The following HROB variants were observed in gnomAD, a reference collection of about 807,000 sequenced individuals.
HROB encodes the protein homologous recombination OB-fold protein.
In HROB, 44 loss-of-function variants were observed where a neutral mutation model predicts 61.0. That is an observed-to-expected ratio of 0.72 (90% CI 0.57 to 0.93). HROB has a LOEUF of 0.93. HROB is among the 40% of genes least tolerant of loss of function. HROB has a pLI of 0.00. For synonymous variants in HROB, 301 were observed against 310.4 expected (o/e 0.97, Z 0.32); for missense variants, 716 against 796.2 (o/e 0.90, Z 1.21).
intron 2 of HROB, among the ~76,000 whole-genome samples, chr17:44,147,432 CTTTCTTTTTT>C (rs2053643299): frequency 1.5e-5 from 2 of 133,518 alleles, no homozygotes; most frequent in Admixed American, 7.8e-5. Flanking sequence ...TTTTTCTTTT[CTTTCTTTTTT>C]TTTTTTTTTT....
chr17:44,148,563 C>T lies in HROB; in HGVS notation c.760C>T (p.Pro254Ser), dbSNP rs765812047. The change falls in exon 3 of 10, where the codon CCA becomes TCA. Residue 254 changes from proline to serine, a missense_variant. Coordinates refer to ENST00000585683, the MANE Select transcript of HROB (RefSeq NM_001171251.3). The stretch of plus-strand genomic sequence containing the variant: ...TGGTGCTGTGGGTCACCTTCCTGTT[C>T]CAACTGCCTTAACAGTTCCCACTCA... Reference protein sequence around the residue: ...RPGAVGHLPVPTALTVPTQQL... With the variant: ...RPGAVGHLPVSTALTVPTQQL... The T allele has an allele frequency of 3.1e-6, 5 of 1,614,034 alleles. No individual in the cohort carries two copies. In the Admixed American group the frequency reaches 8.3e-5, roughly 27 times the overall value.
intron 1 of HROB, among the ~76,000 whole-genome samples, chr17:44,144,575 A>G (rs905232453): frequency 1.0e-4 from 15 of 148,434 alleles, no homozygotes; most frequent in African/African-American, 3.7e-4. Flanking sequence ...CGTGCCTGGC[A>G]GAAAGTGTTT....
At chr17:44,149,712 T>C (rs1289007587) in intron 3 of HROB, among the ~76,000 whole-genome samples, 2 of 152,246 alleles carry the variant, frequency 1.3e-5, no homozygotes, top group African/African-American at 4.8e-5. Flanking sequence ...GTCATTCTTG[T>C]GCATTTGTTA....
chr17:44,145,333 C>T (rs2053580868), intron 2 of HROB, 80 bp downstream of exon 2: 1 of 1,501,688 alleles, frequency 6.7e-7, no homozygotes, highest in Non-Finnish European at 9.2e-7. Context: ...TTTGGATTAG[C>T]CTGTACCAGC....
Position 44,152,789 on chromosome 17 carries a change from G to A in HROB, c.1449+12G>A, listed in dbSNP as rs1050724335. 1.2e-6 allele frequency: 2 copies of A among 1,611,022 alleles called. No homozygotes were observed. Among genetic ancestry groups the A allele is most frequent in the Non-Finnish European group, 1.7e-6 (2 of 1,178,720 alleles). On this transcript the variant is annotated intron_variant, in intron 5 of 9. Transcript: ENST00000585683. ...TGGTGCTGCGCAAGGTAAGGATTCT[G>A]GGTGCTGAGACCCAAAGGAAAGACC...
chr17:44,148,616 A>G lies in HROB; in HGVS notation c.813A>G (p.Gln271=), dbSNP rs114189169. The change falls in exon 3 of 10, where the codon CAA becomes CAG. Residue 271 remains glutamine (Q), a synonymous_variant. Transcript: ENST00000585683. ...AACTCCACTGGGAAGTCTGTCCGCA[A>G]CGCTCCCCTGTTCAAGCACTTCAGC... ...TQQLHWEVCP[Q]RSPVQALQPL... 77 of 1,613,604 alleles carry G rather than the reference A, an allele frequency of 4.8e-5. 1 individual carries two copies. In the East Asian group the frequency reaches 1.4e-3, roughly 30 times the overall value.
intron 7 of HROB, 148 bp downstream of exon 7, chr17:44,155,086 G>A (rs1297540009): frequency 2.5e-5 from 32 of 1,282,850 alleles, no homozygotes; most frequent in Non-Finnish European, 3.5e-5. Flanking sequence ...GGGAAGGCCT[G>A]TGGCCCTTGA....
chr17:44,143,338 G>A (rs911299073), intron 1 of HROB, among the ~76,000 whole-genome samples: 2 of 150,976 alleles, frequency 1.3e-5, no homozygotes. Context: ...GTGAGGCCCC[G>A]TATCTATAAA....
rs1055449483 is a variant in HROB at position 44,147,052 on chromosome 17, A to T, written c.55-806A>T. 1.3e-4 allele frequency among the ~76,000 whole-genome samples: 19 copies of T among 147,324 alleles called. No individual in the cohort carries two copies. In the East Asian group the frequency reaches 1.9e-3, roughly 15 times the overall value. ...TAGTGTGTGTGTGTGTGTGTGTGAG[A>T]GAGAGAGAGAGAAAGAGAGCACACG... is the stretch of plus-strand genomic sequence containing the variant. On this transcript the variant is annotated intron_variant, in intron 2 of 9. Coordinates refer to ENST00000585683, the MANE Select transcript of HROB (RefSeq NM_001171251.3).
At chr17:44,146,831 C>T (rs2053623963) in intron 2 of HROB, among the ~76,000 whole-genome samples, 1 of 152,154 alleles carries the variant, frequency 6.6e-6, no homozygotes, top group Admixed American at 6.6e-5. Context: ...GGGGACCCTC[C>T]TGTCAGTTAA....
At chr17:44,142,219 A>G in intron 1 of HROB, 74 bp downstream of exon 1, 1 of 1,397,574 alleles carries the variant, frequency 7.2e-7, no homozygotes, top group South Asian at 1.5e-5. Context: ...ATGGGGTTCC[A>G]GCCCCTCGCC....
intron 1 of HROB, among the ~76,000 whole-genome samples, chr17:44,144,704 T>G (rs973067894): frequency 1.3e-5 from 2 of 151,292 alleles, no homozygotes; most frequent in Non-Finnish European, 2.9e-5. Context: ...AATGAGCCAC[T>G]GCACACAGCT....
At position 44,154,936 on chromosome 17, in the gene HROB, C is replaced by G; in HGVS notation, c.1642C>G (p.Gln548Glu). 6.2e-7 allele frequency: 1 copy of G among 1,613,332 alleles called. No homozygotes were observed. Among genetic ancestry groups the G allele is most frequent in the Non-Finnish European group, 8.5e-7 (1 of 1,179,786 alleles). Residue 548 changes from glutamine (Q) to glutamate (E), a missense_variant and splice_region_variant, in exon 7 of 10, where the codon CAG becomes GAG. Coordinates refer to ENST00000585683, the MANE Select transcript of HROB (RefSeq NM_001171251.3). Reference protein sequence around the residue: ...LKPGSVLLLKQIGVFSPSLRN... With the variant: ...LKPGSVLLLKEIGVFSPSLRN... ...GCCTGGCTCAGTGCTGCTGCTGAAGCAGGTATGGGGAGCAGCTCTCCACAC... is the reference window on the plus strand; with the variant it reads ...GCCTGGCTCAGTGCTGCTGCTGAAGGAGGTATGGGGAGCAGCTCTCCACAC...
chr17:44,162,131 C>A lies in HROB; in HGVS notation c.*199C>A. ...GCCCTCACTTTGGGCCTTCCTTTGC[C>A]GTTGGCACCAGAATCCGGCCGGAGA... On this transcript the variant is annotated 3_prime_UTR_variant, in exon 10 of 10. Transcript: ENST00000585683. 1 of 542,538 alleles carries A rather than the reference C, an allele frequency of 1.8e-6. No homozygotes were observed. Among genetic ancestry groups the A allele is most frequent in the Non-Finnish European group, 3.2e-6 (1 of 311,744 alleles). The allele number at this position is 542,538 out of a possible 1,614,324, so 33.6% of individuals were successfully genotyped here.
rs961182172 is a variant in HROB at position 44,162,329 on chromosome 17, T to A, written c.*397T>A. 12 of 201,776 alleles carry A rather than the reference T, an allele frequency of 5.9e-5. No homozygotes were observed. The highest frequency in any genetic ancestry group is 1.4e-4 in the African/African-American group (6 of 42,686). The allele number at this position is 201,776 out of a possible 1,614,324, so 12.5% of individuals were successfully genotyped here. ...CACCACAACAATGGCGGCCTGCCCC[T>A]CCACACAGGGGAGAAGCACGCTCAG... On this transcript the variant is annotated 3_prime_UTR_variant, in exon 10 of 10. Transcript: ENST00000585683.
intron 4 of HROB, among the ~76,000 whole-genome samples, chr17:44,151,417 G>A (rs993632934): frequency 4.6e-5 from 7 of 152,126 alleles, no homozygotes; most frequent in African/African-American, 1.4e-4. Context: ...GCCTTCTCTT[G>A]CCTTTGCTGG....
chr17:44,156,577 G>A (rs2053974673), intron 8 of HROB, among the ~76,000 whole-genome samples: 1 of 152,012 alleles, frequency 6.6e-6, no homozygotes, highest in Admixed American at 6.6e-5. Context: ...AATCAAAATA[G>A]CACAGAATAA....
chr17:44,154,440 A>G, intron 5 of HROB, 116 bp from the exon 6 acceptor site: 2 of 897,738 alleles, frequency 2.2e-6, no homozygotes, highest in Non-Finnish European at 3.6e-6. Flanking sequence ...AAAGAAGATC[A>G]TCACTATAAC....
rs1399903357 is a variant in HROB at position 44,141,983 on chromosome 17, A to T, written c.-160A>T. On this transcript the variant is annotated 5_prime_UTR_variant, in exon 1 of 10. Coordinates refer to ENST00000585683, the MANE Select transcript of HROB (RefSeq NM_001171251.3). ...GGCGCCTGCCGCCAGTCTCCTGGCG[A>T]CTTTCCCTATATCGCAGAGACTCAT... 5.8e-6 allele frequency: 6 copies of T among 1,041,100 alleles called. No individual in the cohort carries two copies. Among genetic ancestry groups the T allele is most frequent in the Non-Finnish European group, 8.0e-6 (6 of 748,488 alleles). The allele number at this position is 1,041,100 out of a possible 1,614,324, so 64.5% of individuals were successfully genotyped here.
Sources: allele counts gnomAD v4.1 joint callset (sites outside exome capture counted in the v4.1 genomes callset), GRCh38; gene constraint gnomAD v4.1.1; transcripts MANE v1.5; gene names NCBI Gene and HGNC (gene_info 2026-07-23, HGNC 2026-07-21).